IFFO2: variants seen among roughly 807,000 people sequenced by gnomAD.
The protein encoded by IFFO2 is intermediate filament family orphan 2.
A neutral mutation model predicts 53.5 loss-of-function variants in IFFO2; 19 were observed. The observed-to-expected ratio is 0.36, with a 90% CI of 0.25 to 0.52. IFFO2 has a LOEUF of 0.52. Ranked by LOEUF, IFFO2 falls within the 20% of genes least tolerant of loss-of-function variation. IFFO2 has a pLI of 0.94. For missense variants in IFFO2, 570 were observed against 727.4 expected, an observed-to-expected ratio of 0.78 and a Z score of 2.49; for synonymous variants, 303 against 313.6, an observed-to-expected ratio of 0.97 and a Z score of 0.36.
chr1:18,917,882 G>A lies in IFFO2; in HGVS notation c.963+480C>T, dbSNP rs747236513. Reference sequence around the variant, plus strand: ...CCTCTTTGGGGTGGAATGAAAAATAGTCAAAGGCCAACAGCTCCTCTTCTG... The same window carrying A: ...CCTCTTTGGGGTGGAATGAAAAATAATCAAAGGCCAACAGCTCCTCTTCTG... On this transcript the variant is annotated intron_variant, in intron 4 of 8. Coordinates refer to ENST00000455833, the MANE Select transcript of IFFO2 (RefSeq NM_001136265.2). This position sits in a 1 kb window ranked among gnomAD's most constrained non-coding sequence, Gnocchi z 5.9. 1.3e-5 allele frequency among the ~76,000 whole-genome samples: 2 copies of A among 152,276 alleles called. No homozygotes were observed. Among genetic ancestry groups the A allele is most frequent in the Middle Eastern group, 3.4e-3 (1 of 294 alleles).
intron 1 of IFFO2, among the ~76,000 whole-genome samples, chr1:18,949,865 C>T (rs1428739937): frequency 1.3e-5 from 2 of 152,232 alleles, no homozygotes; most frequent in East Asian, 3.8e-4. Context: ...CATCCGGTCT[C>T]GTTTGCCAAG....
chr1:18,911,495 C>G lies in IFFO2; in HGVS notation c.1225-19G>C, dbSNP rs762534700. On this transcript the variant is annotated intron_variant, in intron 6 of 8. Coordinates refer to ENST00000455833, the MANE Select transcript of IFFO2 (RefSeq NM_001136265.2). ...CCTCTTGCTGGGGAAATAGAACAAA[C>G]GGGACAGTTTATTTTATTTATTTAT... 1 of 1,127,302 alleles carries G rather than the reference C, an allele frequency of 8.9e-7. No homozygotes were observed. Among genetic ancestry groups the G allele is most frequent in the Non-Finnish European group, 1.2e-6 (1 of 815,022 alleles). The allele number at this position is 1,127,302 out of a possible 1,614,324, so 69.8% of individuals were successfully genotyped here.
Position 18,908,326 on chromosome 1 carries a change from A to G in IFFO2, c.*235T>C. 2 of 528,412 alleles carry G rather than the reference A, an allele frequency of 3.8e-6. No homozygotes were observed. The highest frequency in any genetic ancestry group is 2.0e-5 in the South Asian group (1 of 49,618). 32.7% of individuals were successfully genotyped at this position (528,412 alleles called of 1,614,324 possible). ...AGTCTGCATTTGTAATGTGGAGAAC[A>G]ATAGAAATTGACAGCACCATTCCTT... is the stretch of plus-strand genomic sequence containing the variant. On this transcript the variant is annotated 3_prime_UTR_variant, in exon 9 of 9. Transcript: ENST00000455833.
rs1385444524 is a variant in IFFO2, at chr1:18,936,088, C to T, written c.666-14967G>A. 1.3e-5 allele frequency among the ~76,000 whole-genome samples: 2 copies of T among 152,030 alleles called. No homozygotes were observed. The highest frequency in any genetic ancestry group is 2.9e-5 in the Non-Finnish European group (2 of 68,016). ...AGCACAGAGCCTGGCACATAGGAGG[C>T]CCCATAAATATTCACTGGATTAAAA... On this transcript the variant is annotated intron_variant, in intron 1 of 8. Coordinates refer to ENST00000455833, the MANE Select transcript of IFFO2 (RefSeq NM_001136265.2). This position sits in a 1 kb window ranked among gnomAD's most constrained non-coding sequence, Gnocchi z 4.5.
chr1:18,909,200 C>G lies in IFFO2; in HGVS notation c.1449-534G>C, dbSNP rs557138929. 2.0e-5 allele frequency among the ~76,000 whole-genome samples: 3 copies of G among 152,256 alleles called. No individual in the cohort carries two copies. In the South Asian group the frequency reaches 6.2e-4, roughly 32 times the overall value. On this transcript the variant is annotated intron_variant, in intron 8 of 8. Transcript: ENST00000455833. Reference sequence around the variant, plus strand: ...AGGTCTGAAAGGCAAGGCTACGGCCCTGCACACAGATCTGGCCCCCACAGA... The same window carrying G: ...AGGTCTGAAAGGCAAGGCTACGGCCGTGCACACAGATCTGGCCCCCACAGA...
At chr1:18,945,447 C>T (rs898813251) in intron 1 of IFFO2, among the ~76,000 whole-genome samples, 1 of 152,220 alleles carries the variant, frequency 6.6e-6, no homozygotes, top group Non-Finnish European at 1.5e-5. Flanking sequence ...CTACTTAGAC[C>T]AGTAGCTCTT....
In IFFO2 at chr1:18,947,188, C is replaced by T. The variant is rs923666224; in HGVS notation, c.665+8480G>A. 2.6e-5 allele frequency among the ~76,000 whole-genome samples: 4 copies of T among 152,256 alleles called. No homozygotes were observed. The highest frequency in any genetic ancestry group is 5.9e-5 in the Non-Finnish European group (4 of 68,046). On this transcript the variant is annotated intron_variant, in intron 1 of 8. Transcript: ENST00000455833. This position sits in a 1 kb window ranked among gnomAD's most constrained non-coding sequence, Gnocchi z 5.0. ...AAACGATTGTAACAACTTCCCTGTT[C>T]CCTGGCAAAGTTCACAGCACTGACT...
chr1:18,921,378 G>T (rs1042289740), intron 1 of IFFO2, among the ~76,000 whole-genome samples: 1 of 152,204 alleles, frequency 6.6e-6, no homozygotes, highest in African/African-American at 2.4e-5. Flanking sequence ...CCAGCACTTC[G>T]TGAAGACAGA....
Position 18,907,414 on chromosome 1 carries a change from C to G in IFFO2, c.*1147G>C, listed in dbSNP as rs1293988882. 6.6e-6 allele frequency: 1 copy of G among 152,612 alleles called. No individual in the cohort carries two copies. The allele number at this position is 152,612 out of a possible 1,614,324, so 9.5% of individuals were successfully genotyped here. On this transcript the variant is annotated 3_prime_UTR_variant, in exon 9 of 9. Coordinates refer to ENST00000455833, the MANE Select transcript of IFFO2 (RefSeq NM_001136265.2). ...GCTCCTGCACTGCCAGCAGCCCACCCTGCTTCTCTCCTGCCAGCAGCCAAA... is the reference window on the plus strand; with the variant it reads ...GCTCCTGCACTGCCAGCAGCCCACCGTGCTTCTCTCCTGCCAGCAGCCAAA...
intron 1 of IFFO2, among the ~76,000 whole-genome samples, chr1:18,926,195 T>A (rs1347891311): frequency 6.6e-6 from 1 of 152,122 alleles, no homozygotes; most frequent in East Asian, 1.9e-4. Flanking sequence ...GGCCCTCGCC[T>A]CCAGACAGAA....
chr1:18,908,635 T>A lies in IFFO2; in HGVS notation c.1480A>T (p.Ser494Cys). The A allele has an allele frequency of 1.3e-6, 2 of 1,551,602 alleles. No individual in the cohort carries two copies. The highest frequency in any genetic ancestry group is 1.7e-6 in the Non-Finnish European group (2 of 1,146,914). The change falls in exon 9 of 9, where the codon AGC (serine) becomes TGC (cysteine). Residue 494 changes from serine to cysteine, a missense_variant. Ser to Cys is a moderately radical substitution (Grantham distance 112). Transcript: ENST00000455833. ...ATCTCATCTGTACTTCCTGAGTCGC[T>A]GCTGGCCACGGAGCTGGGGGACGGT... is the stretch of plus-strand genomic sequence containing the variant. ...NSPSPSSVAS[S>C]DSGSTDEIQD...
intron 1 of IFFO2, among the ~76,000 whole-genome samples, chr1:18,925,512 C>T (rs536484569): frequency 1.3e-5 from 2 of 152,164 alleles, no homozygotes; most frequent in African/African-American, 2.4e-5. Flanking sequence ...CCACCGCCAC[C>T]GGGGGCTGGC....
intron 2 of IFFO2, among the ~76,000 whole-genome samples, chr1:18,920,140 T>C (rs1936197315): frequency 6.6e-6 from 1 of 152,200 alleles, no homozygotes. Flanking sequence ...CTAACATGCG[T>C]CTGAAGAGCG....
chr1:18,911,395 C>A lies in IFFO2; in HGVS notation c.1306G>T (p.Gly436Cys). 1 of 1,517,788 alleles carries A rather than the reference C, an allele frequency of 6.6e-7. No homozygotes were observed. Among genetic ancestry groups the A allele is most frequent in the South Asian group, 1.3e-5 (1 of 78,170 alleles). 94.0% of individuals were successfully genotyped at this position (1,517,788 alleles called of 1,614,324 possible). ...TRDKEYQETIGQIELELATAK... is the reference protein window; with the variant it reads ...TRDKEYQETICQIELELATAK... ...TCCCGAGCCCTCACCTCGATCTGAC[C>A]TATCGTTTCCTGGTACTCCTTGTCT... The change falls in exon 7 of 9, where the codon GGT becomes TGT. Residue 436 changes from glycine (G) to cysteine (C), a missense_variant. Transcript: ENST00000455833.
intron 5 of IFFO2, among the ~76,000 whole-genome samples, chr1:18,913,877 C>A (rs1003742751): frequency 6.6e-6 from 1 of 152,212 alleles, no homozygotes; most frequent in African/African-American, 2.4e-5. Context: ...GTCGCCCAGG[C>A]TGGAGTGCAG....
At chr1:18,932,851 G>A (rs765519203) in intron 1 of IFFO2, among the ~76,000 whole-genome samples, 8 of 152,254 alleles carry the variant, frequency 5.3e-5, no homozygotes, top group Non-Finnish European at 7.4e-5. Context: ...ACAGGAGGAC[G>A]TCCCATCTCC....
intron 1 of IFFO2, among the ~76,000 whole-genome samples, chr1:18,925,885 ATGGATGGATTGGATGGAT>A (rs1936280256): frequency 6.0e-5 from 2 of 33,200 alleles, no homozygotes; most frequent in Admixed American, 3.9e-4. Flanking sequence ...GGATGGATGG[ATGGATGGATTGGATGGAT>A]TGGTTGGATG....
intron 1 of IFFO2, among the ~76,000 whole-genome samples, chr1:18,933,627 C>T (rs185414496): frequency 4.2e-4 from 64 of 152,170 alleles, no homozygotes; most frequent in African/African-American, 1.5e-3. Context: ...GGTGTGGTGG[C>T]ACCGCTTATA....
chr1:18,926,493 G>A (rs1350504464), intron 1 of IFFO2, among the ~76,000 whole-genome samples: 1 of 152,214 alleles, frequency 6.6e-6, no homozygotes, highest in East Asian at 1.9e-4. Context: ...GCACAAAGCA[G>A]CTGAGATCAG....
Sources: allele counts gnomAD v4.1 joint callset (sites outside exome capture counted in the v4.1 genomes callset), GRCh38; gene constraint gnomAD v4.1.1; non-coding constraint Gnocchi (gnomAD v3.1); transcripts MANE v1.5; gene names NCBI Gene and HGNC (gene_info 2026-07-23, HGNC 2026-07-21).